Variants in NAPEPLD observed in about 807,000 individuals in gnomAD.
NAPEPLD encodes N-acyl phosphatidylethanolamine phospholipase D.
Under a neutral mutation model 38.1 loss-of-function variants are expected in NAPEPLD, and 23 were observed. That is an observed-to-expected ratio of 0.60 (90% CI 0.43 to 0.86). The LOEUF is 0.86. Among genes scored for constraint, NAPEPLD ranks in the 40% least tolerant of loss-of-function variants. NAPEPLD has a pLI of 0.00. For synonymous variants in NAPEPLD, 147 were observed against 162.0 expected, an observed-to-expected ratio of 0.91 and a Z score of 0.71; for missense variants, 411 against 476.8, an observed-to-expected ratio of 0.86 and a Z score of 1.28.
intron 4 of NAPEPLD, among the ~76,000 whole-genome samples, chr7:103,113,607 T>C (rs965493436): frequency 6.7e-6 from 1 of 150,020 alleles, no homozygotes; most frequent in Admixed American, 6.8e-5. Flanking sequence ...CTCACTTTTT[T>C]TTTTAAGACA....
At chr7:103,120,383 G>T (rs1158246711) in intron 2 of NAPEPLD, among the ~76,000 whole-genome samples, 160 bp from the exon 3 acceptor site, 1 of 152,172 alleles carries the variant, frequency 6.6e-6, no homozygotes, top group African/African-American at 2.4e-5. Context: ...TCTTGAAAAT[G>T]CATACTTCTT....
At chr7:103,144,659 AG>A (rs1206510351) in intron 1 of NAPEPLD, among the ~76,000 whole-genome samples, 1 of 151,752 alleles carries the variant, frequency 6.6e-6, no homozygotes, top group Non-Finnish European at 1.5e-5. Context: ...ACTGTCAGGT[AG>A]GAGGATCAAC....
At chr7:103,131,843 C>T (rs890346859) in intron 1 of NAPEPLD, among the ~76,000 whole-genome samples, 4 of 152,172 alleles carry the variant, frequency 2.6e-5, no homozygotes, top group African/African-American at 9.7e-5. Flanking sequence ...GGGCTGGACA[C>T]AGTGGCTCAT....
intron 1 of NAPEPLD, among the ~76,000 whole-genome samples, chr7:103,142,683 G>A (rs888990683): frequency 1.3e-5 from 2 of 152,092 alleles, no homozygotes; most frequent in Non-Finnish European, 2.9e-5. Flanking sequence ...TCAAAAAAAG[G>A]GAAATATAAT....
At chr7:103,116,237 A>G (rs1805549433) in intron 3 of NAPEPLD, among the ~76,000 whole-genome samples, 1 of 151,738 alleles carries the variant, frequency 6.6e-6, no homozygotes, top group Admixed American at 6.6e-5. Context: ...AATTTTTTGT[A>G]TTTTTAGTAG....
At chr7:103,108,287 C>A (rs185811106) in intron 4 of NAPEPLD, among the ~76,000 whole-genome samples, 1 of 152,060 alleles carries the variant, frequency 6.6e-6, no homozygotes, top group Non-Finnish European at 1.5e-5. Context: ...GGATCACAGG[C>A]GTGCGCCACA....
intron 1 of NAPEPLD, among the ~76,000 whole-genome samples, chr7:103,131,040 T>TAAG (rs1808831884): frequency 1.3e-5 from 2 of 152,146 alleles, no homozygotes. Context: ...GATGAAAATG[T>TAAG]ACAAGTTTAG....
intron 2 of NAPEPLD, among the ~76,000 whole-genome samples, chr7:103,123,729 C>T (rs1328944507): frequency 6.6e-6 from 1 of 152,192 alleles, no homozygotes; most frequent in Non-Finnish European, 1.5e-5. Context: ...TTACAGCACT[C>T]AGGCAAGGTC....
At chr7:103,134,746 T>A (rs1809687886) in intron 1 of NAPEPLD, among the ~76,000 whole-genome samples, 1 of 152,190 alleles carries the variant, frequency 6.6e-6, no homozygotes. Context: ...TCAAGGACAT[T>A]CTCTACATTT....
At chr7:103,139,075 GA>G (rs1480907237) in intron 1 of NAPEPLD, among the ~76,000 whole-genome samples, 1 of 152,248 alleles carries the variant, frequency 6.6e-6, no homozygotes, top group African/African-American at 2.4e-5. Context: ...TCTACTGGAA[GA>G]AAGTGCAATT....
intron 4 of NAPEPLD, among the ~76,000 whole-genome samples, chr7:103,105,932 C>CA (rs1194781765): frequency 0.12 from 5,638 of 48,446 alleles, 364 homozygotes; most frequent in African/African-American, 0.19. Flanking sequence ...GACTCCGTCT[C>CA]AAAAAAAAAA....
At chr7:103,108,844 C>T (rs909734222) in intron 4 of NAPEPLD, among the ~76,000 whole-genome samples, 2 of 151,998 alleles carry the variant, frequency 1.3e-5, no homozygotes, top group Non-Finnish European at 1.5e-5. Flanking sequence ...TTCAGAAGAC[C>T]CAACTCATGT....
chr7:103,110,054 T>A (rs1804199499), intron 4 of NAPEPLD, among the ~76,000 whole-genome samples: 1 of 151,982 alleles, frequency 6.6e-6, no homozygotes, highest in African/African-American at 2.4e-5. Context: ...CAATAACAAG[T>A]TGTGAAATTG....
At chr7:103,113,764 G>A (rs2129527824) in intron 4 of NAPEPLD, among the ~76,000 whole-genome samples, 1 of 151,782 alleles carries the variant, frequency 6.6e-6, no homozygotes, top group Admixed American at 6.6e-5. Flanking sequence ...CCGAGTAGCT[G>A]GAATTATAGG....
chr7:103,125,051 C>G (rs1807482901), intron 2 of NAPEPLD, among the ~76,000 whole-genome samples: 1 of 152,146 alleles, frequency 6.6e-6, no homozygotes, highest in African/African-American at 2.4e-5. Flanking sequence ...TCCATTTAAA[C>G]CATGTTTTTA....
chr7:103,130,809 C>G (rs1356618876), intron 1 of NAPEPLD, among the ~76,000 whole-genome samples: 1 of 152,136 alleles, frequency 6.6e-6, no homozygotes, highest in Non-Finnish European at 1.5e-5. Context: ...GTTACCCAGG[C>G]TGACCTGGAA....
chr7:103,149,343 C>T, upstream of NAPEPLD: 2 of 1,151,228 alleles, frequency 1.7e-6, no homozygotes, highest in Non-Finnish European at 2.2e-6. Flanking sequence ...CACAGAGTCC[C>T]CGCGCAAAGC....
chr7:103,107,643 G>A (rs111777428), intron 4 of NAPEPLD, among the ~76,000 whole-genome samples: 21 of 151,932 alleles, frequency 1.4e-4, no homozygotes, highest in African/African-American at 4.8e-4. Context: ...GCAGAAGAAA[G>A]GATATCAGAG....
intron 1 of NAPEPLD, among the ~76,000 whole-genome samples, chr7:103,143,351 C>G (rs916915293): frequency 1.3e-5 from 2 of 151,890 alleles, no homozygotes; most frequent in Non-Finnish European, 2.9e-5. Flanking sequence ...GCCATAAAAT[C>G]TAGTGTTCTT....
Sources: gnomAD v4.1 joint callset for allele counts (sites outside exome capture counted in the v4.1 genomes callset) on GRCh38, gnomAD v4.1.1 for gene constraint, MANE v1.5 for transcripts, NCBI Gene and HGNC (gene_info 2026-07-23, HGNC 2026-07-21) for gene names.